Variants in CDH13 observed in about 807,000 individuals in gnomAD.
The protein encoded by CDH13 is cadherin 13.
Under a neutral mutation model 63.8 loss-of-function variants are expected in CDH13, and 24 were observed. That is an observed-to-expected ratio of 0.38 (90% CI 0.27 to 0.53). CDH13 has a LOEUF of 0.53. CDH13 is among the 20% of genes least tolerant of loss of function. The pLI is 0.85. For synonymous variants in CDH13, 503 were observed against 355.3 expected (o/e 1.42, Z -4.67); for missense variants, 1,049 against 903.1 (o/e 1.16, Z -2.07).
chr16:83,062,808 C>CT (rs1168765591), intron 3 of CDH13, among the ~76,000 whole-genome samples: 2 of 152,102 alleles, frequency 1.3e-5, no homozygotes, highest in African/African-American at 4.8e-5. Context: ...TTTCACATAG[C>CT]TTTTTTCACC....
chr16:83,289,158 G>A (rs2089403580), intron 5 of CDH13, among the ~76,000 whole-genome samples: 1 of 152,222 alleles, frequency 6.6e-6, no homozygotes, highest in Non-Finnish European at 1.5e-5. Context: ...TGGAGGCGAA[G>A]ACCAGGAAGA....
chr16:82,862,935 G>A (rs1484464227), intron 2 of CDH13, among the ~76,000 whole-genome samples: 1 of 152,174 alleles, frequency 6.6e-6, no homozygotes, highest in Non-Finnish European at 1.5e-5. Context: ...CTGGCAGACA[G>A]GGGAATAAGA....
At chr16:82,817,273 C>G (rs2037766705) in intron 1 of CDH13, among the ~76,000 whole-genome samples, 1 of 152,114 alleles carries the variant, frequency 6.6e-6, no homozygotes, top group African/African-American at 2.4e-5. Context: ...AGTGGCCATA[C>G]AGGTCCACCC....
chr16:82,803,950 C>G (rs2037005647), intron 1 of CDH13, among the ~76,000 whole-genome samples: 1 of 152,126 alleles, frequency 6.6e-6, no homozygotes, highest in Non-Finnish European at 1.5e-5. Context: ...TGTTCAGAGG[C>G]TGGGCGCCAT....
chr16:83,780,520 AT>A (rs1364824168), intron 12 of CDH13, among the ~76,000 whole-genome samples: 2 of 152,122 alleles, frequency 1.3e-5, no homozygotes, highest in Non-Finnish European at 2.9e-5. Context: ...TATCTTTAAA[AT>A]TTTCATATAT....
Position 83,508,074 on chromosome 16 carries a change from A to AGGAAGGAAGGAAGGAAGGAAGGAG in CDH13, c.960+21442_960+21443insGGGAAGGAAGGAAGGAAGGAAGGA, listed in dbSNP as rs2074449693. 3.2e-5 allele frequency among the ~76,000 whole-genome samples: 2 copies of AGGAAGGAAGGAAGGAAGGAAGGAG among 62,326 alleles called. 1 individual carries two copies. Among genetic ancestry groups the AGGAAGGAAGGAAGGAAGGAAGGAG allele is most frequent in the Admixed American group, 3.2e-4 (2 of 6,240 alleles). The allele number at this position is 62,326 out of a possible 152,430, so 40.9% of individuals were successfully genotyped here. ...AAGAGAAGAAGGAAGGAAGGAAGGA[A>AGGAAGGAAGGAAGGAAGGAAGGAG]GGAAGGAAGGAAGGAAGGAAGGAAA... is the stretch of plus-strand genomic sequence containing the variant. On this transcript the variant is annotated intron_variant, in intron 7 of 13. Coordinates refer to ENST00000567109, the MANE Select transcript of CDH13 (RefSeq NM_001257.5).
intron 3 of CDH13, among the ~76,000 whole-genome samples, chr16:83,101,558 C>T (rs568251822): frequency 6.6e-4 from 100 of 152,076 alleles, no homozygotes; most frequent in African/African-American, 2.2e-3. Context: ...TTTGGGAGAC[C>T]GAGGTGGGTG....
chr16:83,085,232 CA>C (rs1449551797), intron 3 of CDH13, among the ~76,000 whole-genome samples: 1 of 151,924 alleles, frequency 6.6e-6, no homozygotes, highest in African/African-American at 2.4e-5. Flanking sequence ...GAGAAAGAAG[CA>C]AAAGCAGAAA....
At chr16:82,763,274 C>T (rs1353247558) in intron 1 of CDH13, among the ~76,000 whole-genome samples, 3 of 152,252 alleles carry the variant, frequency 2.0e-5, no homozygotes, top group African/African-American at 7.2e-5. Context: ...CTATCACTCT[C>T]TGTCCCTTTA....
chr16:82,836,999 T>G (rs2038795670), intron 1 of CDH13, among the ~76,000 whole-genome samples: 1 of 152,152 alleles, frequency 6.6e-6, no homozygotes, highest in South Asian at 2.1e-4. Flanking sequence ...GATTAAGAGG[T>G]GGAGCTTGAA....
intron 2 of CDH13, among the ~76,000 whole-genome samples, chr16:82,928,037 T>G (rs765931400): frequency 6.6e-6 from 1 of 152,184 alleles, no homozygotes; most frequent in East Asian, 1.9e-4. Context: ...TTTCATGCAT[T>G]GTGATGGGGA....
At chr16:83,107,937 G>GCCT (rs1315063573) in intron 3 of CDH13, among the ~76,000 whole-genome samples, 1 of 151,796 alleles carries the variant, frequency 6.6e-6, no homozygotes, top group Non-Finnish European at 1.5e-5. Flanking sequence ...CCCTGCCTCA[G>GCCT]CCTCCCGATT....
chr16:82,675,319 A>T (rs1309774899), intron 1 of CDH13, among the ~76,000 whole-genome samples: 1 of 152,206 alleles, frequency 6.6e-6, no homozygotes, highest in South Asian at 2.1e-4. Context: ...TTATTTCTCT[A>T]TATTATATGG....
intron 1 of CDH13, among the ~76,000 whole-genome samples, chr16:82,647,426 C>G (rs1429318527): frequency 6.6e-6 from 1 of 151,922 alleles, no homozygotes; most frequent in Non-Finnish European, 1.5e-5. Flanking sequence ...GGAGGTGGTC[C>G]AAGGGGAAGT....
At chr16:83,329,506 G>A (rs1264243888) in intron 5 of CDH13, among the ~76,000 whole-genome samples, 2 of 151,922 alleles carry the variant, frequency 1.3e-5, no homozygotes, top group Middle Eastern at 3.2e-3. Context: ...CAAAGTGCCG[G>A]GATTACAGGC....
At chr16:82,963,917 T>C (rs1342493039) in intron 2 of CDH13, among the ~76,000 whole-genome samples, 2 of 152,144 alleles carry the variant, frequency 1.3e-5, no homozygotes, top group Non-Finnish European at 2.9e-5. Context: ...CCCAGCCTGC[T>C]CTCACAGTTG....
At chr16:83,389,056 G>A (rs141370104) in intron 6 of CDH13, among the ~76,000 whole-genome samples, 1,962 of 152,194 alleles carry the variant, frequency 0.013, 44 homozygotes, top group African/African-American at 0.045. Context: ...GAATCCACAG[G>A]CTTAACATGT....
chr16:82,836,687 G>A lies in CDH13; in HGVS notation c.46-21675G>A, dbSNP rs187878082. On this transcript the variant is annotated intron_variant, in intron 1 of 13. Coordinates refer to ENST00000567109, the MANE Select transcript of CDH13 (RefSeq NM_001257.5). ...AGCAGACATCACAGCCCACGATGAT[G>A]AGCCTGCTGATGCCGACTTCCTGCA... 1.6e-4 allele frequency among the ~76,000 whole-genome samples: 24 copies of A among 152,276 alleles called. No individual in the cohort carries two copies. The East Asian group carries it at 2.3e-3, about 15-fold the overall frequency.
chr16:83,590,772 A>C (rs887487168), intron 7 of CDH13, among the ~76,000 whole-genome samples: 3 of 152,120 alleles, frequency 2.0e-5, no homozygotes, highest in South Asian at 4.1e-4. Context: ...TGTGCCCCTA[A>C]ATCGACGACA....
Sources: allele counts gnomAD v4.1 joint callset (sites outside exome capture counted in the v4.1 genomes callset), GRCh38; gene constraint gnomAD v4.1.1; transcripts MANE v1.5; gene names NCBI Gene and HGNC (gene_info 2026-07-23, HGNC 2026-07-21).